The following CFAP47 variants were observed in gnomAD, a reference collection of about 807,000 sequenced individuals.
CFAP47 encodes the protein cilia- and flagella-associated protein 47.
Under a neutral mutation model 148.1 loss-of-function variants are expected in CFAP47, and 29 were observed. That is an observed-to-expected ratio of 0.20 (90% CI 0.15 to 0.27). The LOEUF (loss-of-function observed/expected upper bound fraction) is 0.27, where lower values mean the gene tolerates loss of function less well. Among genes scored for constraint, CFAP47 ranks in the 10% least tolerant of loss-of-function variants. CFAP47 has a pLI of 1.00. For missense variants in CFAP47, 1,872 were observed against 1,697.5 expected, an observed-to-expected ratio of 1.10 and a Z score of -1.81; for synonymous variants, 664 against 577.3, an observed-to-expected ratio of 1.15 and a Z score of -2.15.
chrX:35,924,071 GTATATATGTACATGTA>G (rs1569201171), intron 1 of CFAP47, among the ~76,000 whole-genome samples: 1 of 83,726 alleles, frequency 1.2e-5, no homozygotes, highest in African/African-American at 4.7e-5. Context: ...GCACATATAT[GTATATATGTACATGTA>G]TGCGTACATA....
Position 36,280,600 on chromosome X carries a change from C to G in CFAP47, c.7558C>G (p.Gln2520Glu). The G allele has an allele frequency of 2.0e-6, 1 of 505,389 alleles. No individual in the cohort carries two copies. The highest frequency in any genetic ancestry group is 3.5e-6 in the Non-Finnish European group (1 of 282,657). The allele number at this position is 505,389 out of a possible 1,213,427, so 41.6% of individuals were successfully genotyped here. A position where few individuals can be genotyped will look rare whatever the true frequency, so the allele number is the denominator to read the frequency against. Residue 2520 changes from glutamine to glutamate, a missense_variant, in exon 50 of 64, where the codon CAA becomes GAA. By Grantham distance (29) the Gln-to-Glu change is conservative. Transcript: ENST00000378653. ...CTCCTGTCTTGATTCAATAACAGAA[C>G]AATCTAGCATTTTGGATGATGCAGA... Reference protein sequence around the residue: ...ALSCLDSITEQSSILDDADTY... With the variant: ...ALSCLDSITEESSILDDADTY...
intron 25 of CFAP47, among the ~76,000 whole-genome samples, chrX:36,040,961 C>T (rs1372935474): frequency 9.0e-6 from 1 of 111,219 alleles, no homozygotes; most frequent in African/African-American, 3.3e-5. Flanking sequence ...GAAGAAAAAA[C>T]CTTAATAAAG....
At chrX:35,984,147 C>T (rs891950104) in intron 15 of CFAP47, among the ~76,000 whole-genome samples, 7 of 111,511 alleles carry the variant, frequency 6.3e-5, no homozygotes, top group African/African-American at 2.0e-4. Context: ...GAACTCAATA[C>T]TGGTCTGTTC....
chrX:36,265,506 G>A (rs1940880384), intron 49 of CFAP47, among the ~76,000 whole-genome samples: 1 of 111,873 alleles, frequency 8.9e-6, no homozygotes, highest in Admixed American at 9.5e-5. Context: ...GATATTTCCA[G>A]CTCTTGCCCA....
intron 39 of CFAP47, among the ~76,000 whole-genome samples, chrX:36,162,431 G>T (rs1311651964): frequency 2.7e-5 from 3 of 111,243 alleles, no homozygotes; most frequent in African/African-American, 9.8e-5. Context: ...AATTAATATA[G>T]AAACTATTTT....
At position 36,385,102 on chromosome X, in the gene CFAP47, A is replaced by T. The variant is rs1202779652; in HGVS notation, c.*96A>T. On this transcript the variant is annotated 3_prime_UTR_variant, in exon 64 of 64. Transcript: ENST00000378653. The stretch of plus-strand genomic sequence containing the variant: ...TTCTGAGGAATAATGGTTTAATTAT[A>T]ATAGGCCTTCTATATTTCCTTGTCT... 2 of 528,779 alleles carry T rather than the reference A, an allele frequency of 3.8e-6. No individual in the cohort carries two copies. Among genetic ancestry groups the T allele is most frequent in the South Asian group, 3.3e-5 (1 of 30,723 alleles). 43.6% of individuals were successfully genotyped at this position (528,779 alleles called of 1,213,427 possible). A position where few individuals can be genotyped will look rare whatever the true frequency, so the allele number is the denominator to read the frequency against.
chrX:36,145,314 G>A lies in CFAP47; in HGVS notation c.5631G>A (p.Val1877=), dbSNP rs1224282439. 20 of 296,650 alleles carry A rather than the reference G, an allele frequency of 6.7e-5. No individual in the cohort carries two copies. Among genetic ancestry groups the A allele is most frequent in the Admixed American group, 2.4e-4 (4 of 16,351 alleles). The allele number at this position is 296,650 out of a possible 1,213,427, so 24.4% of individuals were successfully genotyped here. ...CTACATATCTCCCTAAGAAGGTGGT[G>A]TCCTTTGAATGTACTCTACATGACA... ...RLPTYLPKKV[V]SFECTLHDTV... The change falls in exon 36 of 64, where the codon GTG becomes GTA. Residue 1877 remains valine, a synonymous_variant. Transcript: ENST00000378653.
intron 40 of CFAP47, among the ~76,000 whole-genome samples, chrX:36,180,788 G>A (rs1939741359): frequency 3.6e-5 from 4 of 111,602 alleles, no homozygotes; most frequent in Non-Finnish European, 7.5e-5. Context: ...TGCTTACCTA[G>A]GGCTTTTGAA....
intron 49 of CFAP47, among the ~76,000 whole-genome samples, chrX:36,276,092 TG>T (rs1941014285): frequency 9.0e-6 from 1 of 110,547 alleles, no homozygotes; most frequent in Non-Finnish European, 1.9e-5. Context: ...TCACTAGTCA[TG>T]CATACCAAGA....
intron 33 of CFAP47, among the ~76,000 whole-genome samples, chrX:36,123,676 C>T (rs1938787374): frequency 9.0e-6 from 1 of 110,709 alleles, no homozygotes; most frequent in Non-Finnish European, 1.9e-5. Flanking sequence ...ACTTCCCCTT[C>T]AGAACTGTGG....
chrX:36,336,244 G>GACACACAC (rs781925226), intron 57 of CFAP47, among the ~76,000 whole-genome samples: 84 of 65,642 alleles, frequency 1.3e-3, no homozygotes, highest in South Asian at 3.1e-3. Context: ...CAGACACACA[G>GACACACAC]ACACACACAC....
intron 56 of CFAP47, among the ~76,000 whole-genome samples, chrX:36,314,123 G>T (rs1051181865): frequency 3.6e-5 from 4 of 111,584 alleles, no homozygotes; most frequent in African/African-American, 1.3e-4. Flanking sequence ...AAATAGCCAA[G>T]ACATTAGCAG....
intron 39 of CFAP47, among the ~76,000 whole-genome samples, chrX:36,165,748 A>AT (rs1939481502): frequency 1.8e-5 from 2 of 111,319 alleles, no homozygotes; most frequent in Admixed American, 1.9e-4. Flanking sequence ...AAACACCGTC[A>AT]TTTTTTCTTT....
Position 36,046,834 on chromosome X carries a change from A to T in CFAP47, c.4008-20A>T, listed in dbSNP as rs1791703577. 9.4e-7 allele frequency: 1 copy of T among 1,063,594 alleles called. No individual in the cohort carries two copies. Among genetic ancestry groups the T allele is most frequent in the Non-Finnish European group, 1.3e-6 (1 of 797,725 alleles). 87.7% of individuals were successfully genotyped at this position (1,063,594 alleles called of 1,213,427 possible). On this transcript the variant is annotated intron_variant, in intron 25 of 63. Transcript: ENST00000378653. ...GGCAGGTATTTTGAGCTAATGAAAC[A>T]TTTTTTTTATTTTAAACAGAAATTC...
intron 49 of CFAP47, among the ~76,000 whole-genome samples, chrX:36,263,404 T>C: frequency 8.9e-6 from 1 of 112,249 alleles, no homozygotes; most frequent in Non-Finnish European, 1.9e-5. Flanking sequence ...TTGGTTTCTG[T>C]AACATTCTTG....
intron 29 of CFAP47, among the ~76,000 whole-genome samples, chrX:36,077,151 C>T (rs1357539544): frequency 2.6e-5 from 2 of 77,357 alleles, no homozygotes; most frequent in Admixed American, 2.0e-4. Context: ...CCTTATAGTA[C>T]AGTTTGAAGT....
intron 29 of CFAP47, among the ~76,000 whole-genome samples, chrX:36,077,781 C>G (rs1239435679): frequency 9.0e-6 from 1 of 111,334 alleles, no homozygotes; most frequent in Admixed American, 9.6e-5. Context: ...AATTCCAGCA[C>G]TTTGGGAGGC....
chrX:36,082,406 T>A (rs192585765), intron 29 of CFAP47, among the ~76,000 whole-genome samples: 27 of 111,906 alleles, frequency 2.4e-4, no homozygotes, highest in African/African-American at 7.8e-4. Context: ...AAAACACAAT[T>A]TATGTTTCAG....
At chrX:36,063,352 C>G (rs1017944075) in intron 26 of CFAP47, among the ~76,000 whole-genome samples, 2 of 111,046 alleles carry the variant, frequency 1.8e-5, no homozygotes, top group African/African-American at 6.5e-5. Context: ...ACTGTATGTC[C>G]TTTTTTCTGT....
Sources: gnomAD v4.1 joint callset for allele counts (sites outside exome capture counted in the v4.1 genomes callset) on GRCh38, gnomAD v4.1.1 for gene constraint, MANE v1.5 for transcripts, NCBI Gene and HGNC (gene_info 2026-07-23, HGNC 2026-07-21) for gene names.